KCNA2: variants seen among roughly 807,000 people sequenced by gnomAD.
KCNA2 encodes the protein potassium voltage-gated channel subfamily A member 2.
A neutral mutation model predicts 33.4 loss-of-function variants in KCNA2; 11 were observed. That is an observed-to-expected ratio of 0.33 (90% confidence interval 0.21 to 0.55). KCNA2 has a LOEUF of 0.55. Ranked by LOEUF, KCNA2 falls within the 20% of genes least tolerant of loss-of-function variation. KCNA2 has a pLI of 0.93. For missense variants in KCNA2, 291 were observed against 621.6 expected (o/e 0.47, Z 5.66); for synonymous variants, 222 against 231.3 (o/e 0.96, Z 0.37).
chr1:110,618,008 G>A (rs932082477), intron 1 of KCNA2, among the ~76,000 whole-genome samples: 2 of 152,158 alleles, frequency 1.3e-5, no homozygotes, highest in African/African-American at 4.8e-5. Context: ...CCAAGGGTGA[G>A]AATGAGATCC....
At chr1:110,624,034 A>T (rs1360726850) in intron 1 of KCNA2, among the ~76,000 whole-genome samples, 2 of 152,232 alleles carry the variant, frequency 1.3e-5, no homozygotes, top group African/African-American at 4.8e-5. Flanking sequence ...TGAAACACTC[A>T]TTCATTGTTG....
chr1:110,618,004 G>A (rs1482445467), intron 1 of KCNA2, among the ~76,000 whole-genome samples: 1 of 152,098 alleles, frequency 6.6e-6, no homozygotes, highest in South Asian at 2.1e-4. Context: ...GAAGCCAAGG[G>A]TGAGAATGAG....
rs1649246271 is a variant in KCNA2, at chr1:110,599,532, TG to T, written c.*3750del. ...GAGGGGAATCAGGAGTTGGCCCCTT[TG>T]GGCTTATGCACAAGAGCAAGTGAAA... On this transcript the variant is annotated 3_prime_UTR_variant, in exon 3 of 3. Coordinates refer to ENST00000316361, the MANE Select transcript of KCNA2 (RefSeq NM_004974.4). The T allele has an allele frequency of 4.1e-6, 4 of 985,060 alleles. No homozygotes were observed. The allele number at this position is 985,060 out of a possible 1,614,324, so 61.0% of individuals were successfully genotyped here.
At position 110,602,409 on chromosome 1, in the gene KCNA2, A is replaced by C; in HGVS notation, c.*874T>G. ...AGATTCATGCAACAAACACCCATGC[A>C]GCTCTATTGCATCACTGGTAAATTT... is the stretch of plus-strand genomic sequence containing the variant. On this transcript the variant is annotated 3_prime_UTR_variant, in exon 3 of 3. Coordinates refer to ENST00000316361, the MANE Select transcript of KCNA2 (RefSeq NM_004974.4). The C allele has an allele frequency of 7.3e-7, 1 of 1,361,614 alleles. No homozygotes were observed. The allele number at this position is 1,361,614 out of a possible 1,614,324, so 84.3% of individuals were successfully genotyped here. A position where few individuals can be genotyped will look rare whatever the true frequency, so the allele number is the denominator to read the frequency against.
chr1:110,617,053 C>A (rs1650090047), intron 1 of KCNA2, among the ~76,000 whole-genome samples: 1 of 152,216 alleles, frequency 6.6e-6, no homozygotes, highest in East Asian at 1.9e-4. Flanking sequence ...TGAAGTGAAG[C>A]TTGGGCATTC....
chr1:110,608,827 G>T (rs1649767746), upstream of KCNA2, among the ~76,000 whole-genome samples: 1 of 152,152 alleles, frequency 6.6e-6, no homozygotes, highest in Non-Finnish European at 1.5e-5. Flanking sequence ...TGAAAAATCA[G>T]GATGCCCCTA....
At position 110,600,166 on chromosome 1, in the gene KCNA2, G is replaced by C; in HGVS notation, c.*3117C>G. On this transcript the variant is annotated 3_prime_UTR_variant, in exon 3 of 3. Transcript: ENST00000316361. The stretch of plus-strand genomic sequence containing the variant: ...TGCCTGTTAATTCATAGCTCTGGGG[G>C]CAGGGCAATGGGTCTGAGTATATGT... 1.0e-6 allele frequency: 1 copy of C among 983,956 alleles called. No individual in the cohort carries two copies. Among genetic ancestry groups the C allele is most frequent in the Non-Finnish European group, 1.2e-6 (1 of 829,674 alleles). The allele number at this position is 983,956 out of a possible 1,614,324, so 61.0% of individuals were successfully genotyped here.
At chr1:110,611,460 G>A (rs1377270798) in intron 1 of KCNA2, among the ~76,000 whole-genome samples, 1 of 152,220 alleles carries the variant, frequency 6.6e-6, no homozygotes, top group Non-Finnish European at 1.5e-5. Context: ...ATTACAAGGT[G>A]GCTCATGCCT....
rs1445835017 is a variant in KCNA2, at chr1:110,603,345, C to T, written c.1438G>A (p.Ala480Thr). The T allele has an allele frequency of 1.2e-6, 2 of 1,613,728 alleles. No individual in the cohort carries two copies. Among genetic ancestry groups the T allele is most frequent in the Non-Finnish European group, 1.7e-6 (2 of 1,179,908 alleles). ...TTTGTGTTAGCCAAGGTACAGTTGG[C>T]TGTTTTCAAGTTTTCCTCTCTAAAG... ...EDFREENLKT[A>T]NCTLANTNYV... Residue 480 changes from alanine (A) to threonine (T), a missense_variant, in exon 3 of 3, where the codon GCC becomes ACC. Transcript: ENST00000316361. The surrounding 1 kb of genome is among the most constrained non-coding windows in gnomAD (Gnocchi z 5.7).
At chr1:110,624,725 C>T (rs796543991) in intron 1 of KCNA2, among the ~76,000 whole-genome samples, 4 of 152,178 alleles carry the variant, frequency 2.6e-5, no homozygotes, top group African/African-American at 7.2e-5. Flanking sequence ...GATTGTGTTG[C>T]GAGTGGATTT....
upstream of KCNA2, among the ~76,000 whole-genome samples, chr1:110,608,653 A>T (rs1217691788): frequency 6.6e-6 from 1 of 152,146 alleles, no homozygotes; most frequent in Non-Finnish European, 1.5e-5. Flanking sequence ...ATGACAGATG[A>T]CTATAGAGAA....
Position 110,598,594 on chromosome 1 carries a change from C to T in KCNA2, c.*4689G>A. 1.0e-6 allele frequency: 1 copy of T among 985,430 alleles called. No individual in the cohort carries two copies. Among genetic ancestry groups the T allele is most frequent in the Non-Finnish European group, 1.2e-6 (1 of 829,996 alleles). The allele number at this position is 985,430 out of a possible 1,614,324, so 61.0% of individuals were successfully genotyped here. A position where few individuals can be genotyped will look rare whatever the true frequency, so the allele number is the denominator to read the frequency against. ...AACACGGAGCAGCAACATGAACACC[C>T]AGGCTGGGGTCTCAGGCCATCATAG... On this transcript the variant is annotated 3_prime_UTR_variant, in exon 3 of 3. Coordinates refer to ENST00000316361, the MANE Select transcript of KCNA2 (RefSeq NM_004974.4).
chr1:110,598,655 A>C lies in KCNA2; in HGVS notation c.*4628T>G, dbSNP rs1649204282. ...AGCCCTTTCCATACTAGGCTAACGC[A>C]ATCTAGAGGCACACTCCCGTGGGGC... On this transcript the variant is annotated 3_prime_UTR_variant, in exon 3 of 3. Coordinates refer to ENST00000316361, the MANE Select transcript of KCNA2 (RefSeq NM_004974.4). 26 of 984,966 alleles carry C rather than the reference A, an allele frequency of 2.6e-5. No homozygotes were observed. Among genetic ancestry groups the C allele is most frequent in the Non-Finnish European group, 3.1e-5 (26 of 829,932 alleles). The allele number at this position is 984,966 out of a possible 1,614,324, so 61.0% of individuals were successfully genotyped here.
rs757733307 is a variant in KCNA2, at chr1:110,598,909, T to C, written c.*4374A>G. On this transcript the variant is annotated 3_prime_UTR_variant, in exon 3 of 3. Transcript: ENST00000316361. ...CTCTCTTCCTGACAATCTCTCCACC[T>C]TTCCTGGGCCTATTCCTTTTCGGTC... 1 of 985,322 alleles carries C rather than the reference T, an allele frequency of 1.0e-6. No individual in the cohort carries two copies. The highest frequency in any genetic ancestry group is 1.2e-6 in the Non-Finnish European group (1 of 829,940). The allele number at this position is 985,322 out of a possible 1,614,324, so 61.0% of individuals were successfully genotyped here. A position where few individuals can be genotyped will look rare whatever the true frequency, so the allele number is the denominator to read the frequency against.
chr1:110,601,828 G>GTGTATA lies in KCNA2; in HGVS notation c.*1454_*1455insTATACA, dbSNP rs763912060. 8.1e-7 allele frequency: 1 copy of GTGTATA among 1,241,024 alleles called. No individual in the cohort carries two copies. The highest frequency in any genetic ancestry group is 3.7e-5 in the East Asian group (1 of 27,066). The allele number at this position is 1,241,024 out of a possible 1,614,324, so 76.9% of individuals were successfully genotyped here. ...TGTGTGTGTGTGTGTGTGTGTGTGT[G>GTGTATA]TATACATATACACACATATGTATGT... is the stretch of plus-strand genomic sequence containing the variant. On this transcript the variant is annotated 3_prime_UTR_variant, in exon 3 of 3. Coordinates refer to ENST00000316361, the MANE Select transcript of KCNA2 (RefSeq NM_004974.4).
intron 1 of KCNA2, among the ~76,000 whole-genome samples, chr1:110,624,871 T>G (rs1650352302): frequency 6.6e-6 from 1 of 152,224 alleles, no homozygotes; most frequent in Admixed American, 6.5e-5. Flanking sequence ...GAGGTTGATA[T>G]CGGTGAAAAG....
chr1:110,608,776 A>G (rs1310402045), upstream of KCNA2, among the ~76,000 whole-genome samples: 1 of 152,222 alleles, frequency 6.6e-6, no homozygotes, highest in East Asian at 1.9e-4. Context: ...AACAGTTACT[A>G]GATAAGTTAT....
At chr1:110,622,388 A>T (rs967196245) in intron 1 of KCNA2, among the ~76,000 whole-genome samples, 1 of 152,176 alleles carries the variant, frequency 6.6e-6, no homozygotes, top group Non-Finnish European at 1.5e-5. Context: ...AGCCAACATT[A>T]TACTTAATGA....
upstream of KCNA2, among the ~76,000 whole-genome samples, chr1:110,609,071 C>G (rs943837765): frequency 6.6e-6 from 1 of 152,110 alleles, no homozygotes; most frequent in East Asian, 1.9e-4. Context: ...ATTCCCACCC[C>G]TCTACCAAAT....
Sources: allele counts gnomAD v4.1 joint callset (sites outside exome capture counted in the v4.1 genomes callset), GRCh38; gene constraint gnomAD v4.1.1; non-coding constraint Gnocchi (gnomAD v3.1); transcripts MANE v1.5; gene names NCBI Gene and HGNC (gene_info 2026-07-23, HGNC 2026-07-21).